Variants in UHRF2 observed in about 807,000 individuals in gnomAD.
The protein encoded by UHRF2 is E3 ubiquitin-protein ligase UHRF2.
A neutral mutation model predicts 96.8 loss-of-function variants in UHRF2; 23 were observed. The observed-to-expected ratio is 0.24, with a 90% CI of 0.17 to 0.34. The LOEUF (loss-of-function observed/expected upper bound fraction) is 0.34, where lower values mean the gene tolerates loss of function less well. Ranked by LOEUF, UHRF2 falls within the 10% of genes least tolerant of loss-of-function variation. The pLI is 1.00. For missense variants in UHRF2, 685 were observed against 981.5 expected (o/e 0.70, Z 4.04); for synonymous variants, 385 against 332.6 (o/e 1.16, Z -1.72).
chr9:6,484,578 T>C (rs1191815547), intron 8 of UHRF2: 2 of 130,344 alleles, frequency 1.5e-5, no homozygotes, highest in Non-Finnish European at 3.3e-5. Context: ...GATTTTTGTG[T>C]TTTTTTTTTT....
At chr9:6,482,140 C>A in intron 8 of UHRF2, 41 bp downstream of exon 8, 1 of 1,495,170 alleles carries the variant, frequency 6.7e-7, no homozygotes, top group Non-Finnish European at 9.3e-7. Flanking sequence ...GGAGAATTGG[C>A]TATCAGATTA....
chr9:6,434,011 G>A lies in UHRF2; in HGVS notation c.482G>A (p.Gly161Asp), dbSNP rs771736124. The A allele has an allele frequency of 3.1e-6, 5 of 1,614,080 alleles. No individual in the cohort carries two copies. ...VTRASDGQSR[G>D]KTPLKNGSSC... Reference sequence around the variant, plus strand: ...AGAGCTTCTGATGGACAGTCACGTGGCAAAACTCCACTGAAGAATGGCAGT... The same window carrying A: ...AGAGCTTCTGATGGACAGTCACGTGACAAAACTCCACTGAAGAATGGCAGT... Residue 161 changes from glycine to aspartate, a missense_variant, in exon 3 of 16, where the codon GGC (glycine) becomes GAC (aspartate). This residue lies in a region of UHRF2 where 391 missense variants were observed against 437.0 expected (regional missense o/e 0.89). Transcript: ENST00000276893.
chr9:6,414,519 C>G (rs1462098912), intron 1 of UHRF2, among the ~76,000 whole-genome samples: 3 of 152,136 alleles, frequency 2.0e-5, no homozygotes, highest in Admixed American at 6.5e-5. Context: ...AGTTTTTTTC[C>G]TATTCCACAA....
chr9:6,468,830 A>C, intron 4 of UHRF2: 1 of 375,684 alleles, frequency 2.7e-6, no homozygotes, highest in South Asian at 2.0e-5. Flanking sequence ...GCATACAGGT[A>C]GACTAAATCT....
Position 6,489,173 on chromosome 9 carries a change from T to C in UHRF2, c.1497+2248T>C, listed in dbSNP as rs149598655. On this transcript the variant is annotated intron_variant, in intron 9 of 15. Transcript: ENST00000276893. ...ATAAATGGAAGTATGTAGCATATTA[T>C]ATATTAACCTTTAGGATTGGCTTTT... Among the ~76,000 whole-genome samples, 1,049 of 152,320 alleles carry C rather than the reference T, an allele frequency of 6.9e-3. 15 individuals are homozygous for C. The highest frequency in any genetic ancestry group is 0.024 in the African/African-American group (1,007 of 41,560).
At chr9:6,420,301 C>A (rs565416956) in intron 1 of UHRF2, among the ~76,000 whole-genome samples, 10 of 151,912 alleles carry the variant, frequency 6.6e-5, no homozygotes, top group Non-Finnish European at 1.2e-4. Flanking sequence ...GTCATCTGCT[C>A]TTTTCGGCCT....
At chr9:6,487,805 A>G (rs1030609456) in intron 9 of UHRF2, among the ~76,000 whole-genome samples, 3 of 152,226 alleles carry the variant, frequency 2.0e-5, no homozygotes, top group Admixed American at 6.5e-5. Flanking sequence ...CCCATCCTCT[A>G]TAGAGCTTTT....
chr9:6,425,755 G>A (rs779541903), intron 2 of UHRF2, among the ~76,000 whole-genome samples: 4 of 134,028 alleles, frequency 3.0e-5, no homozygotes, highest in Non-Finnish European at 6.3e-5. Flanking sequence ...GTGAGACTTC[G>A]TCTCAAAGTA....
At chr9:6,457,082 T>A (rs1822226890) in intron 3 of UHRF2, among the ~76,000 whole-genome samples, 1 of 152,222 alleles carries the variant, frequency 6.6e-6, no homozygotes, top group Admixed American at 6.5e-5. Flanking sequence ...GCATTGAATC[T>A]ATAAATTACT....
At chr9:6,425,074 C>A (rs1820168777) in intron 2 of UHRF2, among the ~76,000 whole-genome samples, 1 of 152,216 alleles carries the variant, frequency 6.6e-6, no homozygotes, top group African/African-American at 2.4e-5. Context: ...TCCCACACCT[C>A]CTTCCTGTCT....
At chr9:6,424,999 A>G (rs926911982) in intron 2 of UHRF2, among the ~76,000 whole-genome samples, 1 of 152,122 alleles carries the variant, frequency 6.6e-6, no homozygotes, top group Non-Finnish European at 1.5e-5. Flanking sequence ...TAACATTAAC[A>G]CTGATGTGAA....
intron 14 of UHRF2, among the ~76,000 whole-genome samples, 154 bp downstream of exon 14, chr9:6,500,863 C>T (rs966086934): frequency 2.0e-5 from 3 of 152,240 alleles, no homozygotes; most frequent in Admixed American, 1.3e-4. Context: ...TAATCTGAGG[C>T]AACACATATA....
intron 3 of UHRF2, among the ~76,000 whole-genome samples, chr9:6,459,870 A>C (rs913774954): frequency 1.3e-5 from 2 of 152,224 alleles, no homozygotes; most frequent in African/African-American, 4.8e-5. Context: ...CTACTCAGGC[A>C]GCTCAGGCTC....
At chr9:6,451,629 C>T (rs562371860) in intron 3 of UHRF2, among the ~76,000 whole-genome samples, 3 of 151,354 alleles carry the variant, frequency 2.0e-5, no homozygotes, top group Admixed American at 1.3e-4. Flanking sequence ...TACAGGCGCC[C>T]GCCACCACTC....
At position 6,484,177 on chromosome 9, in the gene UHRF2, C is replaced by T. The variant is rs139343787; in HGVS notation, c.1392+2078C>T. Among the ~76,000 whole-genome samples the T allele has an allele frequency of 2.1e-3, 319 of 151,716 alleles. 1 individual carries two copies. The highest frequency in any genetic ancestry group is 7.4e-3 in the African/African-American group (308 of 41,392). On this transcript the variant is annotated intron_variant, in intron 8 of 15. Coordinates refer to ENST00000276893, the MANE Select transcript of UHRF2 (RefSeq NM_152896.3). ...CTTCAGACTTCTGGGCTCAAGTGATCATTCCACCTAGCTAGGACTAAAGAT... is the reference window on the plus strand; with the variant it reads ...CTTCAGACTTCTGGGCTCAAGTGATTATTCCACCTAGCTAGGACTAAAGAT...
In UHRF2 at chr9:6,481,778, A is replaced by T. The variant is rs560770876; in HGVS notation, c.1284+12A>T. ...GAGACTGGGGCAGGGTAAAGAAGAA[A>T]TTCCCCTTTTCTTCCTAATAGCAAG... On this transcript the variant is annotated intron_variant, in intron 7 of 15. Transcript: ENST00000276893. 15 of 1,601,328 alleles carry T rather than the reference A, an allele frequency of 9.4e-6. No homozygotes were observed. In the East Asian group the frequency reaches 3.3e-4, roughly 36 times the overall value.
At chr9:6,451,296 G>A (rs1821845918) in intron 3 of UHRF2, among the ~76,000 whole-genome samples, 1 of 151,952 alleles carries the variant, frequency 6.6e-6, no homozygotes, top group East Asian at 1.9e-4. Flanking sequence ...GTGTAGTTTC[G>A]TTCATTATGC....
At chr9:6,413,667 T>C (rs963190890) in intron 1 of UHRF2, 24 bp downstream of exon 1, 4 of 1,549,024 alleles carry the variant, frequency 2.6e-6, no homozygotes, top group African/African-American at 1.4e-5. Flanking sequence ...GCCGCGCCCC[T>C]AGCGAGGCTG....
Position 6,475,485 on chromosome 9 carries a change from G to A in UHRF2, c.958G>A (p.Asp320Asn). Residue 320 changes from aspartate to asparagine, a missense_variant, in exon 5 of 16, where the codon GAT (aspartate) becomes AAT (asparagine). Transcript: ENST00000276893. ...TGGAGCCCATCCCCTTTCATTTGCA[G>A]ATGGAAAGTTTTTAAGTATGGATTT... ...RPGAHPLSFADGKFLRRNDPE... is the reference protein window; with the variant it reads ...RPGAHPLSFANGKFLRRNDPE... 6.3e-7 allele frequency: 1 copy of A among 1,588,210 alleles called. No individual in the cohort carries two copies. The highest frequency in any genetic ancestry group is 8.6e-7 in the Non-Finnish European group (1 of 1,166,666).
Sources: gnomAD v4.1 joint callset for allele counts (sites outside exome capture counted in the v4.1 genomes callset) on GRCh38, gnomAD v4.1.1 for gene constraint, gnomAD v4.1.1 regional missense constraint, MANE v1.5 for transcripts, NCBI Gene and HGNC (gene_info 2026-07-23, HGNC 2026-07-21) for gene names.